ASMTL: variants seen among roughly 807,000 people sequenced by gnomAD.
ASMTL encodes the protein probable bifunctional dTTP/UTP pyrophosphatase/methyltransferase protein.
Under a neutral mutation model 60.3 loss-of-function variants are expected in ASMTL, and 57 were observed. The ratio of observed to expected loss-of-function variants is 0.95; its 90% CI spans 0.76 to 1.18. ASMTL has a LOEUF of 1.18. Ranked by LOEUF, ASMTL falls within the 50% of genes most tolerant of loss-of-function variation. The pLI is 0.00. For missense variants in ASMTL, 981 were observed against 852.6 expected (o/e 1.15, Z -1.88); for synonymous variants, 419 against 373.0 (o/e 1.12, Z -1.42).
chrX:1,403,668 C>T (rs1393712559), intron 12 of ASMTL, 179 bp from the exon 13 acceptor site: 15 of 612,930 alleles, frequency 2.4e-5, no homozygotes, highest in East Asian at 1.9e-4. Flanking sequence ...TGATGCAGGG[C>T]GGACAGACAG....
Position 1,427,994 on chromosome X carries a change from A to G in ASMTL, c.637T>C (p.Tyr213His). The G allele has an allele frequency of 6.2e-7, 1 of 1,613,594 alleles. No individual in the cohort carries two copies. The highest frequency in any genetic ancestry group is 8.5e-7 in the Non-Finnish European group (1 of 1,179,830). ...HFCKQLVKLY[Y>H]PPRPEDLRRS... ...CGCAGGTCCTCCGGACGGGGCGGGT[A>G]GTAGAGCTTCACCAGCTGCTTGCAG... is the stretch of plus-strand genomic sequence containing the variant. Residue 213 changes from tyrosine (Y) to histidine (H), a missense_variant, in exon 7 of 13, where the codon TAC (tyrosine) becomes CAC (histidine). Transcript: ENST00000381317.
chrX:1,403,539 C>T, intron 12 of ASMTL, 50 bp from the exon 13 acceptor site: 2 of 1,555,424 alleles, frequency 1.3e-6, no homozygotes, highest in Non-Finnish European at 1.8e-6. Flanking sequence ...GGCGGGGATC[C>T]TTCAGCAGGA....
At chrX:1,407,416 A>G (rs1338298634) in intron 12 of ASMTL, among the ~76,000 whole-genome samples, 16 of 150,374 alleles carry the variant, frequency 1.1e-4, no homozygotes, top group Non-Finnish European at 2.1e-4. Context: ...GGATGCATTC[A>G]TGAGATGGAT....
At chrX:1,412,930 C>T (rs2090088405) in intron 11 of ASMTL, 76 bp from the exon 12 acceptor site, 3 of 1,523,010 alleles carry the variant, frequency 2.0e-6, no homozygotes, top group Non-Finnish European at 2.7e-6. Context: ...CCTGGGACGG[C>T]CACCCGCATC....
chrX:1,449,828 C>CAT (rs2091315446), intron 1 of ASMTL, among the ~76,000 whole-genome samples: 1 of 149,800 alleles, frequency 6.7e-6, no homozygotes, highest in Non-Finnish European at 1.5e-5. Flanking sequence ...AACTATCCTC[C>CAT]CATCACCAGT....
chrX:1,447,048 C>T (rs1229724755), intron 1 of ASMTL, among the ~76,000 whole-genome samples: 2 of 152,192 alleles, frequency 1.3e-5, no homozygotes, highest in African/African-American at 4.8e-5. Context: ...GTTCTGCTTT[C>T]TTAAAGCCCT....
At position 1,452,754 on chromosome X, in the gene ASMTL, G is replaced by C; in HGVS notation, c.87C>G (p.Ser29Arg). 4 of 1,590,886 alleles carry C rather than the reference G, an allele frequency of 2.5e-6. 1 individual carries two copies. The South Asian group carries it at 4.5e-5, about 18-fold the overall frequency. The change falls in exon 1 of 13, where the codon AGC becomes AGG. Residue 29 changes from serine to arginine, a missense_variant. Physicochemically the swap from Ser to Arg is moderately radical, Grantham distance 110. Transcript: ENST00000381317. ...SASPRRQEIL[S>R]NAGLRFEVVP... Reference sequence around the variant, plus strand: ...GCCCAGGCCCAGGCCGTACCGCGTTGCTGAGGATCTCCTGACGGCGTGGGG... The same window carrying C: ...GCCCAGGCCCAGGCCGTACCGCGTTCCTGAGGATCTCCTGACGGCGTGGGG...
intron 5 of ASMTL, among the ~76,000 whole-genome samples, chrX:1,433,659 G>A (rs1381876341): frequency 1.3e-5 from 2 of 151,638 alleles, no homozygotes; most frequent in East Asian, 1.9e-4. Context: ...TAGCCTGGGC[G>A]ATAAAGCGAG....
chrX:1,413,738 T>G (rs1386921616), intron 11 of ASMTL: 4 of 152,286 alleles, frequency 2.6e-5, no homozygotes, highest in African/African-American at 9.7e-5. Flanking sequence ...GTCCCCTAAA[T>G]CCAATGACAG....
upstream of ASMTL, chrX:1,452,915 A>G (rs2091432642): frequency 8.1e-7 from 1 of 1,230,088 alleles, no homozygotes; most frequent in Non-Finnish European, 1.1e-6. Context: ...GGCTGCAAAA[A>G]AAACAGGCGG....
chrX:1,427,918 A>G lies in ASMTL; in HGVS notation c.713T>C (p.Leu238Pro). 6.2e-7 allele frequency: 1 copy of G among 1,613,298 alleles called. No individual in the cohort carries two copies. Among genetic ancestry groups the G allele is most frequent in the Non-Finnish European group, 8.5e-7 (1 of 1,179,816 alleles). Residue 238 changes from leucine (L) to proline (P), a missense_variant, in exon 7 of 13, where the codon CTC (leucine) becomes CCC (proline). By Grantham distance (98) the Leu-to-Pro change is moderately conservative. Transcript: ENST00000381317. The stretch of plus-strand genomic sequence containing the variant: ...CGAGCCGCCCCCCTCCACGTCACTG[A>G]GGTCTTCGAAGGTGTCCGCGGCCGG... Reference protein sequence around the residue: ...SIPAADTFEDLSDVEGGGSEP... With the variant: ...SIPAADTFEDPSDVEGGGSEP...
At chrX:1,440,114 T>A (rs1255242828) in intron 2 of ASMTL, among the ~76,000 whole-genome samples, 1 of 147,616 alleles carries the variant, frequency 6.8e-6, no homozygotes, top group African/African-American at 2.5e-5. Flanking sequence ...TGAGATGGAG[T>A]CTCGCTCTGT....
intron 4 of ASMTL, 161 bp from the exon 5 acceptor site, chrX:1,435,244 C>A: frequency 1.3e-6 from 1 of 785,466 alleles, no homozygotes; most frequent in South Asian, 1.6e-5. Context: ...CCAGGGAAAC[C>A]TTTACGGAGA....
At chrX:1,424,944 A>G (rs1232087478) in intron 8 of ASMTL, among the ~76,000 whole-genome samples, 3 of 74,900 alleles carry the variant, frequency 4.0e-5, no homozygotes, top group Non-Finnish European at 9.6e-5. Flanking sequence ...TGATCAATCC[A>G]TCTGTCCATC....
chrX:1,442,067 G>T, intron 2 of ASMTL, 119 bp downstream of exon 2: 1 of 1,169,358 alleles, frequency 8.6e-7, no homozygotes, highest in Non-Finnish European at 1.2e-6. Flanking sequence ...TAGCTAAGCT[G>T]TGCCACCAAC....
At position 1,442,227 on chromosome X, in the gene ASMTL, C is replaced by T. The variant is rs371818582; in HGVS notation, c.184G>A (p.Ala62Thr). The T allele has an allele frequency of 9.9e-6, 16 of 1,613,684 alleles. No individual in the cohort carries two copies. Among genetic ancestry groups the T allele is most frequent in the East Asian group, 8.9e-5 (4 of 44,894 alleles). The change falls in exon 2 of 13, where the codon GCC becomes ACC. Residue 62 changes from alanine (A) to threonine (T), a missense_variant. Physicochemically the swap from Ala to Thr is moderately conservative, Grantham distance 58. Coordinates refer to ENST00000381317, the MANE Select transcript of ASMTL (RefSeq NM_004192.4). ...ATPYGYAMET[A>T]KQKALEVANR... ...GCCACCTCCAGGGCCTTCTGCTTGGCGGTCTCCATGGCGTACCCATACGGA... is the reference window on the plus strand; with the variant it reads ...GCCACCTCCAGGGCCTTCTGCTTGGTGGTCTCCATGGCGTACCCATACGGA...
intron 1 of ASMTL, among the ~76,000 whole-genome samples, chrX:1,450,861 AGGGG>A (rs2091353022): frequency 9.4e-6 from 1 of 106,308 alleles, no homozygotes; most frequent in African/African-American, 4.1e-5. Context: ...CCCCATCCCT[AGGGG>A]TCCCGGGTCA....
intron 1 of ASMTL, among the ~76,000 whole-genome samples, chrX:1,444,871 A>G (rs746721890): frequency 6.6e-6 from 1 of 152,208 alleles, no homozygotes; most frequent in Admixed American, 6.5e-5. Flanking sequence ...GGGGACTTAG[A>G]GGCTCAAGCT....
chrX:1,414,234 C>T (rs1162890779), intron 11 of ASMTL, among the ~76,000 whole-genome samples: 13 of 152,134 alleles, frequency 8.5e-5, no homozygotes, highest in African/African-American at 3.1e-4. Flanking sequence ...CTAGAGCCTC[C>T]AGAGGGAGCA....
Sources: gnomAD v4.1 joint callset for allele counts (sites outside exome capture counted in the v4.1 genomes callset) on GRCh38, gnomAD v4.1.1 for gene constraint, MANE v1.5 for transcripts, NCBI Gene and HGNC (gene_info 2026-07-23, HGNC 2026-07-21) for gene names.